PTPN13: variants seen among roughly 807,000 people sequenced by gnomAD.
PTPN13 encodes tyrosine-protein phosphatase non-receptor type 13.
Under a neutral mutation model 284.0 loss-of-function variants are expected in PTPN13, and 191 were observed. That is an observed-to-expected ratio of 0.67 (90% CI 0.60 to 0.76). The LOEUF (loss-of-function observed/expected upper bound fraction) is 0.76. Ranked by LOEUF, PTPN13 falls within the 30% of genes least tolerant of loss-of-function variation. The probability of loss-of-function intolerance (pLI) is 0.00; values close to 1 mark genes in which losing one functional copy is unlikely to be tolerated. For missense variants in PTPN13, 2,797 were observed against 2,939.9 expected, an observed-to-expected ratio of 0.95 and a Z score of 1.12; for synonymous variants, 986 against 1,022.3, an observed-to-expected ratio of 0.96 and a Z score of 0.68.
chr4:86,618,077 T>G (rs1296199538), intron 1 of PTPN13, among the ~76,000 whole-genome samples: 1 of 152,212 alleles, frequency 6.6e-6, no homozygotes, highest in Non-Finnish European at 1.5e-5. Context: ...GTTTAAATCT[T>G]TAATCCATCT....
chr4:86,660,840 T>G (rs942793883), intron 2 of PTPN13, among the ~76,000 whole-genome samples: 3 of 152,158 alleles, frequency 2.0e-5, no homozygotes, highest in African/African-American at 7.2e-5. Flanking sequence ...TATTTTGACT[T>G]CAGATGTTCT....
intron 3 of PTPN13, among the ~76,000 whole-genome samples, chr4:86,683,366 T>G (rs2148935968): frequency 6.6e-6 from 1 of 152,226 alleles, no homozygotes; most frequent in Middle Eastern, 3.4e-3. Flanking sequence ...ACTGGCAGGC[T>G]TAAGACCCAA....
At chr4:86,709,306 G>A (rs918914446) in intron 7 of PTPN13, among the ~76,000 whole-genome samples, 3 of 152,042 alleles carry the variant, frequency 2.0e-5, no homozygotes, top group African/African-American at 7.2e-5. Flanking sequence ...GTTTTTCATT[G>A]AAATTATTGC....
intron 47 of PTPN13, among the ~76,000 whole-genome samples, chr4:86,812,309 CA>C (rs555017151): frequency 0.076 from 4,433 of 58,618 alleles, 66 homozygotes; most frequent in African/African-American, 0.23. Context: ...GACTCCGTCT[CA>C]AAAAAAAAAA....
At chr4:86,792,196 G>A (rs28798516) in intron 40 of PTPN13, among the ~76,000 whole-genome samples, 2,347 of 152,216 alleles carry the variant, frequency 0.015, 75 homozygotes, top group African/African-American at 0.054. Flanking sequence ...CACAGCACGA[G>A]AACTTCATGA....
At chr4:86,597,902 G>A (rs1335783512) in intron 1 of PTPN13, among the ~76,000 whole-genome samples, 2 of 152,180 alleles carry the variant, frequency 1.3e-5, no homozygotes, top group Admixed American at 6.5e-5. Context: ...TTGTTTAGAT[G>A]TGTTTGCCTT....
intron 40 of PTPN13, among the ~76,000 whole-genome samples, chr4:86,788,385 T>G (rs1290963540): frequency 6.6e-6 from 1 of 152,186 alleles, no homozygotes; most frequent in African/African-American, 2.4e-5. Flanking sequence ...GTTCTTGAAA[T>G]CACCCTAAAC....
chr4:86,759,037 C>T lies in PTPN13; in HGVS notation c.3517C>T (p.Leu1173Phe), dbSNP rs1380043183. Residue 1173 changes from leucine (L) to phenylalanine (F), a missense_variant, in exon 23 of 48, where the codon CTT (leucine) becomes TTT (phenylalanine). By Grantham distance (22) the Leu-to-Phe change is conservative. Coordinates refer to ENST00000411767, the MANE Select transcript of PTPN13 (RefSeq NM_080683.3). ...ILQNAPEDVT[L>F]VISQPKEKIS... ...GCAAAATGCACCTGAAGATGTGACACTTGTTATCTCTCAGCCAAAAGAAAA... is the reference window on the plus strand; with the variant it reads ...GCAAAATGCACCTGAAGATGTGACATTTGTTATCTCTCAGCCAAAAGAAAA... 3 of 1,613,448 alleles carry T rather than the reference C, an allele frequency of 1.9e-6. No homozygotes were observed. The highest frequency in any genetic ancestry group is 2.2e-5 in the East Asian group (1 of 44,872).
rs969761351 is a variant in PTPN13, at chr4:86,722,364, T to C, written c.1538T>C (p.Met513Thr). The change falls in exon 10 of 48, where the codon ATG becomes ACG. Residue 513 changes from methionine to threonine, a missense_variant. Transcript: ENST00000411767. ...LYPGDTIKAS[M>T]LDITRDPLRE... ...CCAGGAGACACAATCAAAGCGTCCA[T>C]GCTTGACATCACCAGGGATCCGTTA... The C allele has an allele frequency of 1.5e-5, 25 of 1,613,702 alleles. No homozygotes were observed. Among genetic ancestry groups the C allele is most frequent in the Non-Finnish European group, 1.9e-5 (23 of 1,179,828 alleles).
Position 86,769,769 on chromosome 4 carries a change from A to G in PTPN13, c.4490A>G (p.Glu1497Gly). The stretch of plus-strand genomic sequence containing the variant: ...ATTTTTTTTATATCTTTTTCTCCAG[A>G]AAATACATTTGAGGTAAAATTATTT... Reference protein sequence around the residue: ...QVKDYSFVTEENTFEVKLFKN... With the variant: ...QVKDYSFVTEGNTFEVKLFKN... The change falls in exon 29 of 48, where the codon GAA becomes GGA. Residue 1497 changes from glutamate (E) to glycine (G), a missense_variant and splice_region_variant. By Grantham distance (98) the Glu-to-Gly change is moderately conservative (BLOSUM62 -2). Transcript: ENST00000411767. The G allele has an allele frequency of 2.5e-6, 4 of 1,575,194 alleles. No individual in the cohort carries two copies. The highest frequency in any genetic ancestry group is 3.5e-6 in the Non-Finnish European group (4 of 1,158,572).
At chr4:86,632,068 C>T (rs1272765949) in intron 1 of PTPN13, among the ~76,000 whole-genome samples, 1 of 117,630 alleles carries the variant, frequency 8.5e-6, no homozygotes, top group African/African-American at 3.0e-5. Context: ...CCTTATATCA[C>T]CAGAGGAAGT....
intron 6 of PTPN13, among the ~76,000 whole-genome samples, chr4:86,701,018 A>G (rs1423096051): frequency 1.3e-5 from 2 of 152,160 alleles, no homozygotes; most frequent in African/African-American, 4.8e-5. Flanking sequence ...TCAGTTCAGT[A>G]TATTGCTTTT....
intron 2 of PTPN13, among the ~76,000 whole-genome samples, chr4:86,650,413 G>C (rs1039120726): frequency 1.3e-5 from 2 of 152,144 alleles, no homozygotes; most frequent in African/African-American, 4.8e-5. Context: ...CTAGGCTCAA[G>C]TGATCCTCCC....
At chr4:86,683,914 G>A (rs1421559981) in intron 3 of PTPN13, among the ~76,000 whole-genome samples, 1 of 152,058 alleles carries the variant, frequency 6.6e-6, no homozygotes, top group African/African-American at 2.4e-5. Context: ...TCATATATGA[G>A]GTTCTTTGAA....
intron 4 of PTPN13, among the ~76,000 whole-genome samples, 160 bp downstream of exon 4, chr4:86,686,935 G>T (rs1031049660): frequency 6.6e-5 from 10 of 152,142 alleles, no homozygotes; most frequent in Non-Finnish European, 1.3e-4. Flanking sequence ...ATACTTTCAG[G>T]ATGAACTTTC....
chr4:86,797,808 A>G (rs1362538686), intron 41 of PTPN13, among the ~76,000 whole-genome samples: 2 of 152,062 alleles, frequency 1.3e-5, no homozygotes, highest in Admixed American at 6.5e-5. Context: ...AACCCATAAA[A>G]ATATTTTTAA....
intron 35 of PTPN13, among the ~76,000 whole-genome samples, chr4:86,778,535 T>C (rs982369853): frequency 6.6e-6 from 1 of 152,188 alleles, no homozygotes; most frequent in Non-Finnish European, 1.5e-5. Context: ...CAGCTTCAAC[T>C]TACACTTGGT....
chr4:86,627,059 A>AT (rs1721918563), intron 1 of PTPN13, among the ~76,000 whole-genome samples: 1 of 152,120 alleles, frequency 6.6e-6, no homozygotes, highest in Admixed American at 6.6e-5. Context: ...CACATGCTAT[A>AT]ACATGGATGA....
rs149204643 is a variant in PTPN13 at position 86,792,478 on chromosome 4, C to T, written c.6346-4396C>T. Among the ~76,000 whole-genome samples, 215 of 152,220 alleles carry T rather than the reference C, an allele frequency of 1.4e-3. 2 individuals carry two copies. Among genetic ancestry groups the T allele is most frequent in the African/African-American group, 4.9e-3 (204 of 41,532 alleles). ...AACTTCACTAACCTAGCAAGGCAGG[C>T]CAACATTCAAATTCAGGAAATACAG... On this transcript the variant is annotated intron_variant, in intron 40 of 47. Coordinates refer to ENST00000411767, the MANE Select transcript of PTPN13 (RefSeq NM_080683.3).
Sources: allele counts gnomAD v4.1 joint callset (sites outside exome capture counted in the v4.1 genomes callset), GRCh38; gene constraint gnomAD v4.1.1; transcripts MANE v1.5; gene names NCBI Gene and HGNC (gene_info 2026-07-23, HGNC 2026-07-21).